Variants in DRC11 observed in about 807,000 individuals in gnomAD.
DRC11 encodes the protein dynein regulatory complex subunit 11.
the DRC11 span, among the ~76,000 whole-genome samples, chr2:236,357,261 TTATAAA>T: frequency 3.4e-5 from 3 of 87,628 alleles, no homozygotes; most frequent in Admixed American, 3.9e-4. Context: ...TATCTATATA[TTATAAA>T]TATACATATA....
At chr2:236,404,161 T>TAAAAAAAAAAAAAAAAAAAAAAAA in the DRC11 span, among the ~76,000 whole-genome samples, 1 of 91,568 alleles carries the variant, frequency 1.1e-5, no homozygotes, top group African/African-American at 4.0e-5. Flanking sequence ...AATGGAGAGT[T>TAAAAAAAAAAAAAAAAAAAAAAAA]AAAAAAAAAA....
the DRC11 span, among the ~76,000 whole-genome samples, chr2:236,420,899 T>C: frequency 1.3e-5 from 2 of 152,222 alleles, no homozygotes; most frequent in African/African-American, 4.8e-5. This position sits in a 1 kb window ranked among gnomAD's most constrained non-coding sequence, Gnocchi z 4.8. Context: ...GGAGCACTTG[T>C]AACACAGACA....
At chr2:236,503,894 C>T in the DRC11 span, among the ~76,000 whole-genome samples, 4 of 152,074 alleles carry the variant, frequency 2.6e-5, no homozygotes, top group Non-Finnish European at 5.9e-5. The surrounding 1 kb of genome is among the most constrained non-coding windows in gnomAD (Gnocchi z 4.9). Flanking sequence ...TTGAGCCCAG[C>T]CATGAAGGTC....
chr2:236,474,579 A>C, the DRC11 span, among the ~76,000 whole-genome samples: 1 of 152,212 alleles, frequency 6.6e-6, no homozygotes, highest in Admixed American at 6.5e-5. Flanking sequence ...TGTTAAACTT[A>C]GACTGTACTA....
At chr2:236,365,031 G>C in the DRC11 span, among the ~76,000 whole-genome samples, 1 of 152,130 alleles carries the variant, frequency 6.6e-6, no homozygotes, top group South Asian at 2.1e-4. The surrounding 1 kb of genome is among the most constrained non-coding windows in gnomAD (Gnocchi z 7.4). Context: ...ATAAAGGAGA[G>C]ACTCTTTTTC....
the DRC11 span, among the ~76,000 whole-genome samples, chr2:236,340,665 A>G: frequency 6.6e-6 from 1 of 152,164 alleles, no homozygotes; most frequent in Non-Finnish European, 1.5e-5. Flanking sequence ...ACACACCTGC[A>G]TGGTCTGAGC....
the DRC11 span, among the ~76,000 whole-genome samples, chr2:236,405,632 AGTT>A: frequency 6.6e-6 from 1 of 152,088 alleles, no homozygotes; most frequent in African/African-American, 2.4e-5. This position sits in a 1 kb window ranked among gnomAD's most constrained non-coding sequence, Gnocchi z 4.6. Flanking sequence ...AGGACAAAGC[AGTT>A]GTTAAGTGAA....
At chr2:236,500,595 C>A in the DRC11 span, among the ~76,000 whole-genome samples, 1 of 152,154 alleles carries the variant, frequency 6.6e-6, no homozygotes, top group South Asian at 2.1e-4. The surrounding 1 kb of genome is among the most constrained non-coding windows in gnomAD (Gnocchi z 6.3). Context: ...CTCTTCCAGA[C>A]CAGCTTATTA....
chr2:236,310,246 G>C, the DRC11 span, among the ~76,000 whole-genome samples: 1 of 152,066 alleles, frequency 6.6e-6, no homozygotes, highest in Non-Finnish European at 1.5e-5. This position sits in a 1 kb window ranked among gnomAD's most constrained non-coding sequence, Gnocchi z 5.5. Context: ...GCAGGAGCTG[G>C]CTTCACCAAG....
the DRC11 span, among the ~76,000 whole-genome samples, chr2:236,309,162 C>T: frequency 7.9e-5 from 12 of 152,222 alleles, no homozygotes; most frequent in African/African-American, 2.2e-4. This position sits in a 1 kb window ranked among gnomAD's most constrained non-coding sequence, Gnocchi z 5.7. Context: ...GCACAGTGGC[C>T]GAGAACTCCC....
chr2:236,402,058 T>C, the DRC11 span, among the ~76,000 whole-genome samples: 1 of 152,178 alleles, frequency 6.6e-6, no homozygotes, highest in Non-Finnish European at 1.5e-5. The surrounding 1 kb of genome is among the most constrained non-coding windows in gnomAD (Gnocchi z 6.0). Flanking sequence ...CATTGGACTC[T>C]CCCCAGTGCG....
At chr2:236,391,069 A>T in the DRC11 span, 1 of 152,058 alleles carries the variant, frequency 6.6e-6, no homozygotes, top group Non-Finnish European at 1.5e-5. This position sits in a 1 kb window ranked among gnomAD's most constrained non-coding sequence, Gnocchi z 4.5. Flanking sequence ...GCAGCCTCTC[A>T]CCTGAATCCC....
the DRC11 span, among the ~76,000 whole-genome samples, chr2:236,459,541 G>GTACGTA: frequency 1.2e-3 from 85 of 73,234 alleles, 1 homozygote; most frequent in Non-Finnish European, 1.9e-3. Flanking sequence ...ATACGTATAC[G>GTACGTA]TATACGTATA....
chr2:236,439,836 A>G, the DRC11 span, among the ~76,000 whole-genome samples: 1 of 152,186 alleles, frequency 6.6e-6, no homozygotes, highest in Admixed American at 6.5e-5. Flanking sequence ...CTTAAAAAAG[A>G]AAACGTTTTT....
the DRC11 span, among the ~76,000 whole-genome samples, chr2:236,376,142 C>A: frequency 6.6e-6 from 1 of 152,216 alleles, no homozygotes; most frequent in Non-Finnish European, 1.5e-5. This position sits in a 1 kb window ranked among gnomAD's most constrained non-coding sequence, Gnocchi z 5.7. Context: ...GACAGGGAGA[C>A]ACCATCATTT....
the DRC11 span, among the ~76,000 whole-genome samples, chr2:236,457,587 T>C: frequency 6.6e-6 from 1 of 152,080 alleles, no homozygotes; most frequent in Admixed American, 6.5e-5. The surrounding 1 kb of genome is among the most constrained non-coding windows in gnomAD (Gnocchi z 4.7). Context: ...GAAAAAGGGG[T>C]TTTGTAGGCG....
chr2:236,328,170 A>G, the DRC11 span, among the ~76,000 whole-genome samples: 1 of 151,918 alleles, frequency 6.6e-6, no homozygotes, highest in East Asian at 1.9e-4. This position sits in a 1 kb window ranked among gnomAD's most constrained non-coding sequence, Gnocchi z 6.7. Flanking sequence ...GTGGCTCATA[A>G]TTTTTTATTA....
At chr2:236,349,420 T>G in the DRC11 span, among the ~76,000 whole-genome samples, 1 of 152,336 alleles carries the variant, frequency 6.6e-6, no homozygotes, top group South Asian at 2.1e-4. The surrounding 1 kb of genome is among the most constrained non-coding windows in gnomAD (Gnocchi z 5.5). Flanking sequence ...CAGTACCTCT[T>G]AAGAATCTCA....
At chr2:236,403,340 G>A in the DRC11 span, among the ~76,000 whole-genome samples, 5 of 152,042 alleles carry the variant, frequency 3.3e-5, no homozygotes, top group Admixed American at 6.5e-5. Context: ...AGAGAAGAGG[G>A]AGGAAAAGAG....
Sources: allele counts gnomAD v4.1 joint callset (sites outside exome capture counted in the v4.1 genomes callset), GRCh38; gene constraint gnomAD v4.1.1; non-coding constraint Gnocchi (gnomAD v3.1); transcripts MANE v1.5; gene names NCBI Gene and HGNC (gene_info 2026-07-23, HGNC 2026-07-21).